The following RBFOX1 variants were observed in gnomAD, a reference collection of about 807,000 sequenced individuals.
RBFOX1 encodes RNA binding fox-1 homolog 1.
Under a neutral mutation model 57.7 loss-of-function variants are expected in RBFOX1, and 8 were observed. That is an observed-to-expected ratio of 0.14 (90% confidence interval 0.08 to 0.25). The LOEUF (loss-of-function observed/expected upper bound fraction) is 0.25, where lower values mean the gene tolerates loss of function less well. Among genes scored for constraint, RBFOX1 ranks in the 10% least tolerant of loss-of-function variants. The pLI, the probability that RBFOX1 is intolerant of heterozygous loss-of-function variation, is 1.00. For missense variants in RBFOX1, 611 were observed against 548.5 expected (o/e 1.11, Z -1.14); for synonymous variants, 326 against 222.4 (o/e 1.47, Z -4.15).
chr16:6,832,405 G>C (rs1276573478), intron 3 of RBFOX1, among the ~76,000 whole-genome samples: 1 of 152,182 alleles, frequency 6.6e-6, no homozygotes, highest in Non-Finnish European at 1.5e-5. Context: ...CTACTTAATA[G>C]TGACTGAGGG....
chr16:5,260,559 A>G (rs1353136697), intron 1 of RBFOX1: 3 of 152,208 alleles, frequency 2.0e-5, no homozygotes, highest in African/African-American at 7.2e-5. Context: ...CATCTAAGAA[A>G]CCAAAGGTGG....
chr16:5,459,461 C>T (rs76002930), intron 1 of RBFOX1, among the ~76,000 whole-genome samples: 3,642 of 152,166 alleles, frequency 0.024, 50 homozygotes, highest in Non-Finnish European at 0.038. Context: ...TCCATGCTTC[C>T]GTTTAGACCT....
At chr16:6,525,053 G>A (rs1335216540) in intron 2 of RBFOX1, among the ~76,000 whole-genome samples, 1 of 152,110 alleles carries the variant, frequency 6.6e-6, no homozygotes, top group African/African-American at 2.4e-5. Flanking sequence ...AATAGGCTGG[G>A]TTACTGTTTG....
chr16:6,580,263 G>C (rs896829546), intron 2 of RBFOX1, among the ~76,000 whole-genome samples: 13 of 152,286 alleles, frequency 8.5e-5, no homozygotes, highest in African/African-American at 2.9e-4. Flanking sequence ...GGCCAGGCCT[G>C]TTCATCTTTT....
chr16:6,370,545 A>C (rs2090283147), intron 2 of RBFOX1, among the ~76,000 whole-genome samples: 1 of 152,130 alleles, frequency 6.6e-6, no homozygotes, highest in African/African-American at 2.4e-5. Flanking sequence ...CAACATGGAC[A>C]AACCTTGAAA....
chr16:6,715,301 G>A (rs1019427172), intron 3 of RBFOX1, among the ~76,000 whole-genome samples: 4 of 151,364 alleles, frequency 2.6e-5, no homozygotes, highest in African/African-American at 9.7e-5. Context: ...CTGTTCTGTT[G>A]AATTATCTTC....
chr16:6,150,027 C>G (rs900049293), intron 1 of RBFOX1, among the ~76,000 whole-genome samples: 2 of 152,152 alleles, frequency 1.3e-5, no homozygotes, highest in Non-Finnish European at 2.9e-5. Context: ...ATTTCTCTGT[C>G]AATTCAGCAG....
At chr16:6,512,324 A>G (rs543157810) in intron 2 of RBFOX1, among the ~76,000 whole-genome samples, 3 of 148,810 alleles carry the variant, frequency 2.0e-5, no homozygotes, top group Admixed American at 1.3e-4. Context: ...AGATTTATGC[A>G]TGTATTTAAT....
intron 4 of RBFOX1, among the ~76,000 whole-genome samples, chr16:7,122,119 C>A (rs1003895730): frequency 1.3e-5 from 2 of 151,980 alleles, no homozygotes; most frequent in African/African-American, 4.8e-5. Context: ...GCCATGACAC[C>A]AAATGCACAA....
At chr16:6,685,442 A>ATTTTTTTTTTTT (rs71145275) in intron 3 of RBFOX1, among the ~76,000 whole-genome samples, 9 of 125,670 alleles carry the variant, frequency 7.2e-5, no homozygotes, top group East Asian at 2.3e-4. Flanking sequence ...TACCCAGCTA[A>ATTTTTTTTTTTT]TTTTTTTTTT....
At chr16:6,451,929 C>G (rs2094635821) in intron 2 of RBFOX1, among the ~76,000 whole-genome samples, 1 of 151,202 alleles carries the variant, frequency 6.6e-6, no homozygotes, top group Non-Finnish European at 1.5e-5. Flanking sequence ...CCCTTCCTTC[C>G]ATGACCCCTC....
chr16:7,423,887 C>G (rs1009221712), intron 4 of RBFOX1, among the ~76,000 whole-genome samples: 1 of 152,164 alleles, frequency 6.6e-6, no homozygotes, highest in Non-Finnish European at 1.5e-5. Context: ...GCTGTCTTTA[C>G]CAGCCTGTCC....
intron 1 of RBFOX1, among the ~76,000 whole-genome samples, chr16:6,140,815 T>G (rs1256519779): frequency 6.6e-6 from 1 of 152,180 alleles, no homozygotes; most frequent in Non-Finnish European, 1.5e-5. Flanking sequence ...CCTTCTCACT[T>G]CTGAAAAAAG....
intron 4 of RBFOX1, among the ~76,000 whole-genome samples, chr16:7,224,363 C>G (rs1359048419): frequency 1.3e-5 from 2 of 152,136 alleles, no homozygotes; most frequent in Non-Finnish European, 2.9e-5. Flanking sequence ...TTTTCAGTCC[C>G]ATTGACATTT....
At chr16:5,912,307 A>G (rs1215822116) in intron 4 of RBFOX1, among the ~76,000 whole-genome samples, 1 of 152,164 alleles carries the variant, frequency 6.6e-6, no homozygotes, top group East Asian at 1.9e-4. Context: ...TATCATTGAC[A>G]CATAATAAAT....
chr16:5,850,112 G>C (rs550179239), intron 3 of RBFOX1, among the ~76,000 whole-genome samples: 13 of 152,058 alleles, frequency 8.5e-5, no homozygotes, highest in African/African-American at 2.9e-4. Context: ...CTGGGTTCTC[G>C]GAGACTCAGC....
intron 4 of RBFOX1, among the ~76,000 whole-genome samples, chr16:7,387,708 G>A (rs991035399): frequency 6.6e-6 from 1 of 152,082 alleles, no homozygotes; most frequent in Admixed American, 6.5e-5. Flanking sequence ...GGCAGCTGTG[G>A]GCCATCATGG....
At chr16:5,287,315 A>G (rs934132566) in intron 1 of RBFOX1, among the ~76,000 whole-genome samples, 2 of 151,990 alleles carry the variant, frequency 1.3e-5, no homozygotes, top group Non-Finnish European at 2.9e-5. Context: ...AAAAAAAAAA[A>G]GGTTGGTTGG....
At chr16:7,166,252 G>A (rs1283910663) in intron 4 of RBFOX1, among the ~76,000 whole-genome samples, 1 of 144,626 alleles carries the variant, frequency 6.9e-6, no homozygotes, top group Non-Finnish European at 1.5e-5. Flanking sequence ...ATCCTCAAGT[G>A]ATCCACCCTT....
Sources: allele counts gnomAD v4.1 joint callset (sites outside exome capture counted in the v4.1 genomes callset), GRCh38; gene constraint gnomAD v4.1.1; transcripts MANE v1.5; gene names NCBI Gene and HGNC (gene_info 2026-07-23, HGNC 2026-07-21).